LIMCH1: variants seen among roughly 807,000 people sequenced by gnomAD.
The protein encoded by LIMCH1 is LIM and calponin homology domains-containing protein 1.
A neutral mutation model predicts 176.5 loss-of-function variants in LIMCH1; 113 were observed. The ratio of observed to expected loss-of-function variants is 0.64; its 90% confidence interval spans 0.55 to 0.75. The LOEUF (loss-of-function observed/expected upper bound fraction) is 0.75. Ranked by LOEUF, LIMCH1 falls within the 30% of genes least tolerant of loss-of-function variation. The probability of loss-of-function intolerance (pLI) is 0.00; values close to 1 mark genes in which losing one functional copy is unlikely to be tolerated. For synonymous variants in LIMCH1, 619 were observed against 645.9 expected (o/e 0.96, Z 0.63); for missense variants, 1,674 against 1,814.9 (o/e 0.92, Z 1.41).
intron 18 of LIMCH1, among the ~76,000 whole-genome samples, chr4:41,659,868 T>G (rs1287301417): frequency 6.6e-6 from 1 of 152,112 alleles, no homozygotes; most frequent in Non-Finnish European, 1.5e-5. Context: ...GCAGGATAAT[T>G]TTGGACTTCA....
chr4:41,650,675 A>G, intron 18 of LIMCH1, 67 bp downstream of exon 18: 1 of 1,324,746 alleles, frequency 7.5e-7, no homozygotes, highest in Non-Finnish European at 1.0e-6. Flanking sequence ...TGTTTTTAAA[A>G]ATAAGTAGGT....
chr4:41,682,446 G>T lies in LIMCH1; in HGVS notation c.3831G>T (p.Leu1277=), dbSNP rs532854863. 1 of 1,612,824 alleles carries T rather than the reference G, an allele frequency of 6.2e-7. No homozygotes were observed. The highest frequency in any genetic ancestry group is 1.3e-5 in the African/African-American group (1 of 74,982). Residue 1277 remains leucine, a synonymous_variant, in exon 26 of 32, where the codon CTG becomes CTT. Coordinates refer to ENST00000503057, the MANE Select transcript of LIMCH1 (RefSeq NM_001330672.2). The part of the protein sequence containing the change: ...LLLKTRESDR[L]EEKGSLTEGA... ...TGAAGACTAGGGAAAGTGATCGACTGGAGGAGAAGGGCAGGTATGAGCCCA... is the reference window on the plus strand; with the variant it reads ...TGAAGACTAGGGAAAGTGATCGACTTGAGGAGAAGGGCAGGTATGAGCCCA...
intron 7 of LIMCH1, among the ~76,000 whole-genome samples, chr4:41,622,643 T>G (rs140062347): frequency 6.6e-6 from 1 of 152,320 alleles, no homozygotes; most frequent in Non-Finnish European, 1.5e-5. Context: ...GGACGTTTAT[T>G]TTATTAAAAA....
chr4:41,537,536 A>G (rs1300675567), upstream of LIMCH1, among the ~76,000 whole-genome samples: 2 of 152,232 alleles, frequency 1.3e-5, no homozygotes, highest in Non-Finnish European at 2.9e-5. Context: ...TTTCAGGCAC[A>G]AAGATTGAAT....
intron 1 of LIMCH1, 29 bp from the exon 2 acceptor site, chr4:41,598,891 T>C (rs771544191): frequency 7.1e-7 from 1 of 1,414,620 alleles, no homozygotes; most frequent in African/African-American, 1.4e-5. Flanking sequence ...TAAGATAATA[T>C]AGACTTATAT....
chr4:41,454,940 A>ATGTGTGTGTGTGTGTG (rs761501125), intron 1 of LIMCH1, among the ~76,000 whole-genome samples: 2 of 131,258 alleles, frequency 1.5e-5, no homozygotes, highest in African/African-American at 5.4e-5. Flanking sequence ...GTATGCGTAC[A>ATGTGTGTGTGTGTGTG]TGTGTGTGTG....
chr4:41,691,167 C>A (rs1459858768), intron 30 of LIMCH1, among the ~76,000 whole-genome samples: 1 of 152,018 alleles, frequency 6.6e-6, no homozygotes, highest in Non-Finnish European at 1.5e-5. Context: ...TAAGGTACAT[C>A]CCCTCTTGGA....
At chr4:41,389,291 A>G (rs947586466) in intron 1 of LIMCH1, 1 of 152,454 alleles carries the variant, frequency 6.6e-6, no homozygotes, top group Non-Finnish European at 1.5e-5. Flanking sequence ...TGAGGATTAC[A>G]GTGAAACTGA....
At chr4:41,587,417 G>A (rs1228558607) in intron 1 of LIMCH1, among the ~76,000 whole-genome samples, 1 of 152,286 alleles carries the variant, frequency 6.6e-6, no homozygotes, top group East Asian at 1.9e-4. Context: ...CAAACTGCAA[G>A]TAAGAAGAGA....
At chr4:41,688,322 C>T (rs548181811) in intron 29 of LIMCH1, among the ~76,000 whole-genome samples, 2 of 152,324 alleles carry the variant, frequency 1.3e-5, no homozygotes, top group South Asian at 4.1e-4. Flanking sequence ...AAACTTCATC[C>T]TTCTAACCTA....
chr4:41,568,571 C>T (rs2083081557), intron 1 of LIMCH1, among the ~76,000 whole-genome samples: 1 of 152,196 alleles, frequency 6.6e-6, no homozygotes, highest in South Asian at 2.1e-4. Flanking sequence ...ATGATTTCTT[C>T]TGGCTATCCT....
chr4:41,585,283 A>G (rs1328637213), intron 1 of LIMCH1, among the ~76,000 whole-genome samples: 2 of 152,218 alleles, frequency 1.3e-5, no homozygotes, highest in Admixed American at 6.5e-5. Flanking sequence ...TACCTCATGT[A>G]TAAGTGGAAT....
At chr4:41,616,344 C>G (rs1463083899) in intron 5 of LIMCH1, among the ~76,000 whole-genome samples, 1 of 151,538 alleles carries the variant, frequency 6.6e-6, no homozygotes, top group Non-Finnish European at 1.5e-5. Flanking sequence ...CCTGGCCAAC[C>G]TGGTGAAACC....
rs1425751817 is a variant in LIMCH1 at position 41,419,635 on chromosome 4, CTCCTTCCTTTCTTCCTCCT to C, written c.96+58709_96+58727del. Among the ~76,000 whole-genome samples the C allele has an allele frequency of 2.1e-3, 132 of 64,298 alleles. 3 individuals are homozygous for C. The highest frequency in any genetic ancestry group is 0.01 in the African/African-American group (113 of 10,974). 42.2% of individuals were successfully genotyped at this position (64,298 alleles called of 152,430 possible). A position where few individuals can be genotyped will look rare whatever the true frequency, so the allele number is the denominator to read the frequency against. On this transcript the variant is annotated intron_variant, in intron 1 of 26. Coordinates refer to the LIMCH1 transcript ENST00000313860. ...CCTTCCTTCCTTCCTTCCTTCCTTC[CTCCTTCCTTTCTTCCTCCT>C]TCCTTCCTTCCTTCCTTCCTTCCTT...
At chr4:41,475,388 A>G (rs1368755507) in intron 1 of LIMCH1, among the ~76,000 whole-genome samples, 4 of 152,218 alleles carry the variant, frequency 2.6e-5, no homozygotes, top group Non-Finnish European at 5.9e-5. Flanking sequence ...TGTCATACAG[A>G]CTGTGAGTTT....
intron 30 of LIMCH1, among the ~76,000 whole-genome samples, chr4:41,690,691 G>A (rs888000066): frequency 1.3e-5 from 2 of 152,148 alleles, no homozygotes; most frequent in Admixed American, 1.3e-4. Flanking sequence ...GAAAGTCAGT[G>A]AAGTTGTCCC....
chr4:41,577,489 G>A (rs2084684114), intron 1 of LIMCH1, among the ~76,000 whole-genome samples: 1 of 152,236 alleles, frequency 6.6e-6, no homozygotes, highest in East Asian at 1.9e-4. Flanking sequence ...AAGTGTAGTG[G>A]CATGATCACA....
At chr4:41,369,508 C>T (rs1384414101) in intron 1 of LIMCH1, among the ~76,000 whole-genome samples, 1 of 152,184 alleles carries the variant, frequency 6.6e-6, no homozygotes, top group African/African-American at 2.4e-5. Context: ...TGCCCCTTCT[C>T]CACTTCTCCA....
chr4:41,527,767 G>C (rs959656286), intron 3 of LIMCH1, among the ~76,000 whole-genome samples: 1 of 143,110 alleles, frequency 7.0e-6, no homozygotes, highest in African/African-American at 2.6e-5. Flanking sequence ...AGCTTGCAGT[G>C]AGCCAAGATT....
Sources: gnomAD v4.1 joint callset for allele counts (sites outside exome capture counted in the v4.1 genomes callset) on GRCh38, gnomAD v4.1.1 for gene constraint, MANE v1.5 for transcripts, NCBI Gene and HGNC (gene_info 2026-07-23, HGNC 2026-07-21) for gene names.